ABCD4: variants seen among roughly 807,000 people sequenced by gnomAD.
The protein encoded by ABCD4 is lysosomal cobalamin transporter ABCD4.
In ABCD4, 53 loss-of-function variants were observed where a neutral mutation model predicts 86.3. The ratio of observed to expected loss-of-function variants is 0.61; its 90% confidence interval spans 0.49 to 0.77. The LOEUF is 0.77. Among genes scored for constraint, ABCD4 ranks in the 30% least tolerant of loss-of-function variants. The pLI is 0.00. For missense variants in ABCD4, 757 were observed against 764.5 expected (o/e 0.99, Z 0.12); for synonymous variants, 328 against 313.6 (o/e 1.05, Z -0.49).
In ABCD4 at chr14:74,286,682, T is replaced by C; in HGVS notation, c.1752+19A>G. On this transcript the variant is annotated intron_variant, in intron 18 of 18. Coordinates refer to ENST00000356924, the MANE Select transcript of ABCD4 (RefSeq NM_005050.4). ...TGGGTTCTTTCTCCTCCTCAGGCCA[T>C]CCTTGTGAGCACGGGTACCTTCTCA... 1.2e-6 allele frequency: 2 copies of C among 1,614,028 alleles called. No individual in the cohort carries two copies. The highest frequency in any genetic ancestry group is 1.7e-6 in the Non-Finnish European group (2 of 1,180,020).
In ABCD4 at chr14:74,292,937, G is replaced by C. The variant is rs2081936800; in HGVS notation, c.815-68C>G. 1.9e-6 allele frequency: 3 copies of C among 1,605,898 alleles called. No individual in the cohort carries two copies. In the Admixed American group the frequency reaches 5.0e-5, roughly 27 times the overall value. ...TGCCCTACAGCGGACACAACCCTAAGACAGGGAGCAGGACGCCAAGTAGGG... is the reference window on the plus strand; with the variant it reads ...TGCCCTACAGCGGACACAACCCTAACACAGGGAGCAGGACGCCAAGTAGGG... On this transcript the variant is annotated intron_variant, in intron 8 of 18. Coordinates refer to ENST00000356924, the MANE Select transcript of ABCD4 (RefSeq NM_005050.4).
At chr14:74,295,285 A>G in intron 6 of ABCD4, 87 bp from the exon 7 acceptor site, 1 of 1,514,808 alleles carries the variant, frequency 6.6e-7, no homozygotes, top group Non-Finnish European at 9.1e-7. Flanking sequence ...AGACCGCCCA[A>G]GCGGAGCCCG....
intron 3 of ABCD4, 107 bp downstream of exon 3, chr14:74,299,438 ACAC>A: frequency 7.2e-7 from 1 of 1,383,910 alleles, no homozygotes; most frequent in East Asian, 2.4e-5. Flanking sequence ...AAGGGAGGAA[ACAC>A]ACCCCCACAG....
rs2081167483 is a variant in ABCD4 at position 74,290,389 on chromosome 14, T to C, written c.1229A>G (p.Lys410Arg). Residue 410 changes from lysine (K) to arginine (R), a missense_variant, in exon 12 of 19, where the codon AAG (lysine) becomes AGG (arginine). Transcript: ENST00000356924. ...GAGCAGGCTCTGTCCCTCGGAGATC[T>C]TTAGGCTCAGATCCTTGATTAGGGG... ...DKPLIKDLSL[K>R]ISEGQSLLIT... 1 of 1,614,072 alleles carries C rather than the reference T, an allele frequency of 6.2e-7. No homozygotes were observed. The highest frequency in any genetic ancestry group is 8.5e-7 in the Non-Finnish European group (1 of 1,180,024).
chr14:74,300,275 A>G lies in ABCD4; in HGVS notation c.39-7T>C, dbSNP rs1329873802. ...TTGCAGATCTAACCTGGGCCTGAAG[A>G]GAAGGTGGGGAGGCAGAGAAAAGCC... On this transcript the variant is annotated splice_polypyrimidine_tract_variant and splice_region_variant and intron_variant, in intron 1 of 18. Transcript: ENST00000356924. The G allele has an allele frequency of 6.3e-6, 10 of 1,590,158 alleles. No homozygotes were observed. Among genetic ancestry groups the G allele is most frequent in the Non-Finnish European group, 8.6e-6 (10 of 1,158,682 alleles).
In ABCD4 at chr14:74,289,959, G is replaced by A. The variant is rs564936404; in HGVS notation, c.1419+68C>T. 1.6e-5 allele frequency: 26 copies of A among 1,609,104 alleles called. No homozygotes were observed. In the African/African-American group the frequency reaches 2.9e-4, roughly 18 times the overall value. On this transcript the variant is annotated intron_variant, in intron 13 of 18. Transcript: ENST00000356924. Reference sequence around the variant, plus strand: ...TCTAGGACCTGAGACTTGTCACAGTGCCAGAGGTCCCAGCTGTGGGTGGGC... The same window carrying A: ...TCTAGGACCTGAGACTTGTCACAGTACCAGAGGTCCCAGCTGTGGGTGGGC...
chr14:74,299,869 C>T (rs901940837), intron 2 of ABCD4, 194 bp from the exon 3 acceptor site: 10 of 594,502 alleles, frequency 1.7e-5, no homozygotes, highest in Non-Finnish European at 3.0e-5. Flanking sequence ...CGAGATCAGC[C>T]TGGCCAAGAT....
rs969520064 is a variant in ABCD4 at position 74,294,815 on chromosome 14, GCTT to G, written c.719+330_719+332del. 11 of 318,160 alleles carry G rather than the reference GCTT, an allele frequency of 3.5e-5. No individual in the cohort carries two copies. The Admixed American group carries it at 4.5e-4, about 13-fold the overall frequency. The allele number at this position is 318,160 out of a possible 1,614,324, so 19.7% of individuals were successfully genotyped here. On this transcript the variant is annotated intron_variant, in intron 7 of 18. Transcript: ENST00000356924. The stretch of plus-strand genomic sequence containing the variant: ...TTGAACCTCAGGCACTGGCAAGAAA[GCTT>G]CTTAACAGACAGAAGAGCAGAGGCA...
intron 7 of ABCD4, chr14:74,293,546 C>G: frequency 3.4e-6 from 1 of 290,518 alleles, no homozygotes; most frequent in South Asian, 9.9e-5. Flanking sequence ...TTTTTTTAAT[C>G]TATAAAATGG....
intron 11 of ABCD4, 80 bp downstream of exon 11, chr14:74,292,207 G>T: frequency 7.4e-7 from 1 of 1,345,292 alleles, no homozygotes; most frequent in Non-Finnish European, 1.1e-6. Context: ...GCTGGGAAAG[G>T]GCAGGACTCC....
At chr14:74,293,974 A>T (rs2082200734) in intron 7 of ABCD4, 1 of 152,196 alleles carries the variant, frequency 6.6e-6, no homozygotes, top group Admixed American at 6.5e-5. Flanking sequence ...GCCACAGAAG[A>T]ACTCATCTGA....
Position 74,302,889 on chromosome 14 carries a change from G to C in ABCD4, c.24C>G (p.Pro8=), listed in dbSNP as rs371692280. The C allele has an allele frequency of 1.9e-5, 31 of 1,606,830 alleles. No homozygotes were observed. The highest frequency in any genetic ancestry group is 3.3e-5 in the South Asian group (3 of 89,966). MAVAGPA[P]GAGARPRLDL... is the part of the protein sequence containing the mutation. ...GCCCTGCTTACCTGGCGCCAGCTCC[G>C]GGCGCGGGCCCCGCGACCGCCATGA... The change falls in exon 1 of 19, where the codon CCC becomes CCG. Residue 8 remains proline (P), a synonymous_variant. Transcript: ENST00000356924.
chr14:74,285,517 A>G lies in ABCD4; in HGVS notation c.*944T>C, dbSNP rs892774523. On this transcript the variant is annotated 3_prime_UTR_variant, in exon 19 of 19. Coordinates refer to ENST00000356924, the MANE Select transcript of ABCD4 (RefSeq NM_005050.4). ...ATTTAAACTTAAAAGGTTTGTTTTT[A>G]AAAATATTAAGTAACTCAAGTACTA... The G allele has an allele frequency of 6.6e-6, 1 of 152,202 alleles. No individual in the cohort carries two copies. Among genetic ancestry groups the G allele is most frequent in the Non-Finnish European group, 1.5e-5 (1 of 68,046 alleles). The allele number at this position is 152,202 out of a possible 1,614,324, so 9.4% of individuals were successfully genotyped here.
At chr14:74,299,710 G>A (rs2083816099) in intron 2 of ABCD4, 35 bp from the exon 3 acceptor site, 2 of 1,592,864 alleles carry the variant, frequency 1.3e-6, no homozygotes, top group Non-Finnish European at 8.6e-7. Flanking sequence ...AATCAGTGAT[G>A]AGGGGTTAAA....
intron 2 of ABCD4, 109 bp from the exon 3 acceptor site, chr14:74,299,784 G>C: frequency 8.6e-7 from 1 of 1,157,468 alleles, no homozygotes; most frequent in Non-Finnish European, 1.2e-6. Flanking sequence ...AAAAGGGGCC[G>C]GGCGCGGTGG....
At chr14:74,292,720 A>ATG (rs753376658) in intron 9 of ABCD4, 28 bp downstream of exon 9, 1 of 1,613,980 alleles carries the variant, frequency 6.2e-7, no homozygotes, top group Non-Finnish European at 8.5e-7. Flanking sequence ...GAGGGACAGC[A>ATG]TGTGGGGTGA....
chr14:74,298,047 G>C lies in ABCD4; in HGVS notation c.308C>G (p.Thr103Ser). The C allele has an allele frequency of 1.2e-6, 2 of 1,613,906 alleles. No homozygotes were observed. The highest frequency in any genetic ancestry group is 1.7e-6 in the Non-Finnish European group (2 of 1,179,960). The change falls in exon 4 of 19, where the codon ACC becomes AGC. Residue 103 changes from threonine (T) to serine (S), a missense_variant. By Grantham distance (58) the Thr-to-Ser change is moderately conservative. Coordinates refer to ENST00000356924, the MANE Select transcript of ABCD4 (RefSeq NM_005050.4). Reference sequence around the variant, plus strand: ...CCAGCTCACATACAGCAGGTTGCAGGTGAACTGATCAAAGCTCTTCAGCTG... The same window carrying C: ...CCAGCTCACATACAGCAGGTTGCAGCTGAACTGATCAAAGCTCTTCAGCTG... Reference protein sequence around the residue: ...NSTLKSFDQFTCNLLYVSWRK... With the variant: ...NSTLKSFDQFSCNLLYVSWRK...
At chr14:74,291,443 T>C (rs1368721023) in intron 11 of ABCD4, among the ~76,000 whole-genome samples, 1 of 152,238 alleles carries the variant, frequency 6.6e-6, no homozygotes, top group East Asian at 1.9e-4. Flanking sequence ...CAACAAATTC[T>C]AATGCTGGTG....
intron 1 of ABCD4, 50 bp from the exon 2 acceptor site, chr14:74,300,318 C>G: frequency 8.1e-7 from 1 of 1,228,482 alleles, no homozygotes; most frequent in Non-Finnish European, 1.2e-6. Flanking sequence ...ATAATTAAGC[C>G]TTAGGGAGTA....
Sources: allele counts gnomAD v4.1 joint callset (sites outside exome capture counted in the v4.1 genomes callset), GRCh38; gene constraint gnomAD v4.1.1; transcripts MANE v1.5; gene names NCBI Gene and HGNC (gene_info 2026-07-23, HGNC 2026-07-21).